Variants in SGCD observed in about 807,000 individuals in gnomAD.
SGCD encodes the protein delta-sarcoglycan.
SGCD carries 18 observed loss-of-function variants against 36.6 expected under a neutral mutation model. The ratio of observed to expected loss-of-function variants is 0.49; its 90% CI spans 0.34 to 0.73. SGCD has a LOEUF of 0.73. Among genes scored for constraint, SGCD ranks in the 30% least tolerant of loss-of-function variants. SGCD has a pLI of 0.01. For missense variants in SGCD, 387 were observed against 346.7 expected (o/e 1.12, Z -0.92); for synonymous variants, 133 against 130.6 (o/e 1.02, Z -0.12).
chr5:156,351,981 TG>T (rs1005651937), intron 3 of SGCD, among the ~76,000 whole-genome samples: 1 of 152,220 alleles, frequency 6.6e-6, no homozygotes, highest in African/African-American at 2.4e-5. Flanking sequence ...CTAAATGCAT[TG>T]GACTAGATGT....
the SGCD span, among the ~76,000 whole-genome samples, chr5:155,737,153 T>A: frequency 6.6e-6 from 1 of 152,228 alleles, no homozygotes; most frequent in Admixed American, 6.5e-5. Flanking sequence ...TCCAATTTAC[T>A]TATAAAACAA....
At chr5:155,968,676 G>A (rs1455324879) in intron 1 of SGCD, among the ~76,000 whole-genome samples, 1 of 151,974 alleles carries the variant, frequency 6.6e-6, no homozygotes, top group Non-Finnish European at 1.5e-5. Context: ...CATCTACTGG[G>A]GATCTTGGAA....
At chr5:156,082,815 A>AT (rs1017341623) in intron 1 of SGCD, among the ~76,000 whole-genome samples, 1 of 151,884 alleles carries the variant, frequency 6.6e-6, no homozygotes, top group East Asian at 1.9e-4. Context: ...TGCATGTTTA[A>AT]TTTTTTTTGC....
rs1356766345 is a variant in SGCD, at chr5:156,061,524, G to T, written c.-281-56354G>T. ...GGGTTTCTTCCTTAAAGGATGGGAG[G>T]AAAATATTTAAAAACAAACCCACTG... On this transcript the variant is annotated intron_variant, in intron 1 of 9. Coordinates refer to the SGCD transcript ENST00000517913. 2.1e-5 allele frequency among the ~76,000 whole-genome samples: 3 copies of T among 145,832 alleles called. 1 individual carries two copies. Among genetic ancestry groups the T allele is most frequent in the Non-Finnish European group, 3.1e-5 (2 of 64,700 alleles).
chr5:156,320,097 ATGTGTG>A (rs10535885), intron 3 of SGCD, among the ~76,000 whole-genome samples: 2,224 of 146,118 alleles, frequency 0.015, 22 homozygotes, highest in Middle Eastern at 0.028. Context: ...AGCCTTTGAT[ATGTGTG>A]TGTGTGTGTG....
chr5:156,617,977 C>T (rs1462473360), intron 6 of SGCD, among the ~76,000 whole-genome samples: 1 of 152,230 alleles, frequency 6.6e-6, no homozygotes, highest in Admixed American at 6.5e-5. Context: ...TTGTTCAAGT[C>T]ACATGGACAT....
the SGCD span, among the ~76,000 whole-genome samples, chr5:155,738,392 G>A: frequency 1.3e-5 from 2 of 152,238 alleles, no homozygotes; most frequent in East Asian, 1.9e-4. Flanking sequence ...CAAAGATATA[G>A]GTGGACAAAA....
chr5:156,346,560 A>G (rs1768951241), intron 3 of SGCD, among the ~76,000 whole-genome samples: 1 of 152,154 alleles, frequency 6.6e-6, no homozygotes, highest in African/African-American at 2.4e-5. Context: ...TCAGCCTCTG[A>G]CAGTGCTGGG....
intron 1 of SGCD, among the ~76,000 whole-genome samples, chr5:155,870,904 AAT>A (rs1400193773): frequency 6.6e-6 from 1 of 152,232 alleles, no homozygotes; most frequent in Non-Finnish European, 1.5e-5. Flanking sequence ...CAACAGAATG[AAT>A]AGAGTCCATT....
At chr5:156,488,126 A>AC (rs1755783986) in intron 3 of SGCD, among the ~76,000 whole-genome samples, 1 of 129,974 alleles carries the variant, frequency 7.7e-6, no homozygotes, top group African/African-American at 2.9e-5. Context: ...TTTTTTTTTA[A>AC]ATAACCCAGT....
At chr5:156,002,818 C>A (rs1426491082) in intron 1 of SGCD, among the ~76,000 whole-genome samples, 1 of 152,190 alleles carries the variant, frequency 6.6e-6, no homozygotes. Context: ...AGAGGAGCAA[C>A]CCTTGAATTA....
the SGCD span, among the ~76,000 whole-genome samples, chr5:155,828,860 T>C: frequency 6.6e-6 from 1 of 152,066 alleles, no homozygotes; most frequent in Admixed American, 6.5e-5. Flanking sequence ...CTAATTTTTA[T>C]ATTTTTAGTA....
the SGCD span, among the ~76,000 whole-genome samples, chr5:155,827,672 CTTTTTTTTTTTT>C: frequency 2.2e-4 from 14 of 64,428 alleles, no homozygotes; most frequent in Non-Finnish European, 3.5e-4. Context: ...CTAAATAATT[CTTTTTTTTTTTT>C]TTTTTTTTTT....
At chr5:155,843,332 T>C in the SGCD span, among the ~76,000 whole-genome samples, 1 of 152,114 alleles carries the variant, frequency 6.6e-6, no homozygotes, top group African/African-American at 2.4e-5. Flanking sequence ...ATAAAACACT[T>C]CACTTGGGTC....
chr5:156,512,204 A>AG (rs2127881249), intron 4 of SGCD, among the ~76,000 whole-genome samples: 1 of 152,016 alleles, frequency 6.6e-6, no homozygotes, highest in Non-Finnish European at 1.5e-5. Context: ...AAAAAAAAAA[A>AG]AAAAAAAAAG....
intron 1 of SGCD, among the ~76,000 whole-genome samples, chr5:155,946,718 A>T (rs1342746234): frequency 1.3e-5 from 2 of 152,210 alleles, no homozygotes; most frequent in Admixed American, 6.5e-5. Flanking sequence ...TTCCTCAGCC[A>T]CTAAACTAGT....
At chr5:155,744,669 A>G in the SGCD span, among the ~76,000 whole-genome samples, 1 of 152,222 alleles carries the variant, frequency 6.6e-6, no homozygotes, top group African/African-American at 2.4e-5. Context: ...AGTTGGAGGA[A>G]GATAAACAGG....
intron 1 of SGCD, among the ~76,000 whole-genome samples, chr5:155,936,884 G>A (rs1757215637): frequency 6.6e-6 from 1 of 152,202 alleles, no homozygotes; most frequent in African/African-American, 2.4e-5. Flanking sequence ...CTAAATTCCG[G>A]AGGGGGCTGA....
intron 3 of SGCD, among the ~76,000 whole-genome samples, chr5:156,503,346 G>A (rs1056012130): frequency 6.6e-6 from 1 of 152,090 alleles, no homozygotes; most frequent in African/African-American, 2.4e-5. Context: ...TATGTCTGGG[G>A]GTGGGTGAAT....
Sources: gnomAD v4.1 joint callset for allele counts (sites outside exome capture counted in the v4.1 genomes callset) on GRCh38, gnomAD v4.1.1 for gene constraint, MANE v1.5 for transcripts, NCBI Gene and HGNC (gene_info 2026-07-23, HGNC 2026-07-21) for gene names.